The following ZSCAN25 variants were observed in gnomAD, a reference collection of about 807,000 sequenced individuals.
ZSCAN25 encodes the protein zinc finger and SCAN domain containing 25.
Under a neutral mutation model 38.7 loss-of-function variants are expected in ZSCAN25, and 27 were observed. The ratio of observed to expected loss-of-function variants is 0.70; its 90% confidence interval spans 0.51 to 0.96. The LOEUF is 0.96. ZSCAN25 is among the 40% of genes least tolerant of loss of function. ZSCAN25 has a pLI of 0.00. For missense variants in ZSCAN25, 637 were observed against 705.9 expected (o/e 0.90, Z 1.11); for synonymous variants, 273 against 277.7 (o/e 0.98, Z 0.17).
chr7:99,699,968 A>G, the ZSCAN25 span: 13 of 1,605,886 alleles, frequency 8.1e-6, no homozygotes, highest in South Asian at 1.4e-4. Flanking sequence ...ACTGACAGAT[A>G]GAGGAGCACA....
At chr7:99,676,032 C>T in the ZSCAN25 span, 1 of 1,230,044 alleles carries the variant, frequency 8.1e-7, no homozygotes, top group South Asian at 1.2e-5. Flanking sequence ...AGAACTCCCT[C>T]CCAAGGAGGG....
At chr7:99,710,003 A>G in the ZSCAN25 span, among the ~76,000 whole-genome samples, 1 of 152,094 alleles carries the variant, frequency 6.6e-6, no homozygotes, top group Non-Finnish European at 1.5e-5. Context: ...ATAGAACCCC[A>G]CACAGCCCTG....
the ZSCAN25 span, among the ~76,000 whole-genome samples, chr7:99,692,209 GTTGAATA>G: frequency 6.6e-6 from 1 of 152,194 alleles, no homozygotes; most frequent in South Asian, 2.1e-4. Flanking sequence ...CCCTAAGTAT[GTTGAATA>G]TTGACCCCCA....
downstream of ZSCAN25, among the ~76,000 whole-genome samples, chr7:99,636,336 G>A (rs916623630): frequency 6.6e-5 from 10 of 152,198 alleles, no homozygotes; most frequent in African/African-American, 2.4e-4. Context: ...TACTTTAGTT[G>A]CATCTTGAAA....
At chr7:99,693,391 G>A in the ZSCAN25 span, among the ~76,000 whole-genome samples, 2 of 152,200 alleles carry the variant, frequency 1.3e-5, no homozygotes, top group Non-Finnish European at 2.9e-5. Flanking sequence ...CGTTCTCAGA[G>A]CTCGAATACC....
chr7:99,690,253 C>G, the ZSCAN25 span, among the ~76,000 whole-genome samples: 1 of 152,184 alleles, frequency 6.6e-6, no homozygotes, highest in African/African-American at 2.4e-5. Context: ...ATGTAGAAAG[C>G]TGAAACTGGA....
At chr7:99,705,434 A>G in the ZSCAN25 span, 1 of 1,551,394 alleles carries the variant, frequency 6.4e-7, no homozygotes, top group Non-Finnish European at 8.9e-7. Context: ...TTGTAAAGTA[A>G]TTTGAGGTCT....
At chr7:99,654,128 C>G in the ZSCAN25 span, among the ~76,000 whole-genome samples, 2,603 of 152,022 alleles carry the variant, frequency 0.017, 65 homozygotes, top group African/African-American at 0.058. Flanking sequence ...ATGTACACAA[C>G]GTGCAGGTTT....
the ZSCAN25 span, among the ~76,000 whole-genome samples, chr7:99,642,133 C>T: frequency 6.6e-6 from 1 of 152,326 alleles, no homozygotes; most frequent in East Asian, 1.9e-4. Flanking sequence ...ATGTGAGTTC[C>T]TGTTTTGAGA....
In ZSCAN25 at chr7:99,629,605, A is replaced by C. The variant is rs1807811584; in HGVS notation, c.1220A>C (p.Glu407Ala). 6.2e-7 allele frequency: 1 copy of C among 1,614,172 alleles called. No homozygotes were observed. Among genetic ancestry groups the C allele is most frequent in the African/African-American group, 1.3e-5 (1 of 75,054 alleles). The change falls in exon 8 of 8, where the codon GAG becomes GCG. Residue 407 changes from glutamate (E) to alanine (A), a missense_variant. Glu to Ala is a moderately radical substitution (Grantham distance 107, BLOSUM62 -1). Coordinates refer to ENST00000394152, the MANE Select transcript of ZSCAN25 (RefSeq NM_145115.3). This position sits in a 1 kb window ranked among gnomAD's most constrained non-coding sequence, Gnocchi z 5.6. ...GGAAAGAGGCCCTACGTGTGCAGCG[A>C]GTGCTGGAAAACCTTCAGCCAGAGA... The part of the protein sequence containing the change: ...HLGKRPYVCS[E>A]CWKTFSQRHH...
chr7:99,717,065 C>G, the ZSCAN25 span: 1 of 1,336,306 alleles, frequency 7.5e-7, no homozygotes, highest in Admixed American at 1.8e-5. Flanking sequence ...TTACCACAGC[C>G]CTCCTTTTGT....
At chr7:99,688,730 C>T in the ZSCAN25 span, among the ~76,000 whole-genome samples, 2 of 152,130 alleles carry the variant, frequency 1.3e-5, no homozygotes, top group African/African-American at 2.4e-5. Flanking sequence ...TTTTTTTCAG[C>T]ACCACACCTA....
chr7:99,700,533 G>A, the ZSCAN25 span, among the ~76,000 whole-genome samples: 151,361 of 152,200 alleles, frequency 0.99, 75,267 homozygotes, highest in East Asian at 1. Context: ...GACCCCTTCT[G>A]TTAAAGTCTT....
At chr7:99,669,465 G>A in the ZSCAN25 span, among the ~76,000 whole-genome samples, 1 of 152,186 alleles carries the variant, frequency 6.6e-6, no homozygotes, top group Non-Finnish European at 1.5e-5. Flanking sequence ...TTTACTGATG[G>A]TGAGTTTATT....
the ZSCAN25 span, among the ~76,000 whole-genome samples, chr7:99,697,188 C>T: frequency 1.2e-4 from 18 of 152,294 alleles, no homozygotes; most frequent in African/African-American, 3.8e-4. Context: ...ATTGCCTCTG[C>T]ACATCAAGTA....
the ZSCAN25 span, chr7:99,710,932 A>G: frequency 1.4e-5 from 23 of 1,613,008 alleles, no homozygotes; most frequent in African/African-American, 1.7e-4. Context: ...AATCAGGTCA[A>G]TGTAGGGCAT....
the ZSCAN25 span, among the ~76,000 whole-genome samples, chr7:99,650,733 T>C: frequency 6.6e-6 from 1 of 152,026 alleles, no homozygotes; most frequent in Admixed American, 6.6e-5. Context: ...ACCTTCCCCG[T>C]CCACCTTCTC....
the ZSCAN25 span, among the ~76,000 whole-genome samples, chr7:99,721,715 A>T: frequency 6.6e-6 from 1 of 151,964 alleles, no homozygotes; most frequent in Admixed American, 6.6e-5. Flanking sequence ...AGCGAGTGTG[A>T]ACATTGTGAG....
At chr7:99,735,322 A>G in the ZSCAN25 span, 1 of 562,838 alleles carries the variant, frequency 1.8e-6, no homozygotes, top group South Asian at 1.9e-5. Context: ...GGCAGTTGGC[A>G]AATAATCACA....
Sources: allele counts gnomAD v4.1 joint callset (sites outside exome capture counted in the v4.1 genomes callset), GRCh38; gene constraint gnomAD v4.1.1; non-coding constraint Gnocchi (gnomAD v3.1); transcripts MANE v1.5; gene names NCBI Gene and HGNC (gene_info 2026-07-23, HGNC 2026-07-21).